The following SCAI variants were observed in gnomAD, a reference collection of about 807,000 sequenced individuals.
SCAI encodes the protein suppressor of cancer cell invasion.
In SCAI, 24 loss-of-function variants were observed where a neutral mutation model predicts 92.2. That is an observed-to-expected ratio of 0.26 (90% CI 0.19 to 0.37). The LOEUF (loss-of-function observed/expected upper bound fraction) is 0.37, where lower values mean the gene tolerates loss of function less well. Ranked by LOEUF, SCAI falls within the 10% of genes least tolerant of loss-of-function variation. The pLI is 1.00. For missense variants in SCAI, 450 were observed against 736.2 expected, an observed-to-expected ratio of 0.61 and a Z score of 4.50; for synonymous variants, 261 against 258.6, an observed-to-expected ratio of 1.01 and a Z score of -0.09.
intron 3 of SCAI, among the ~76,000 whole-genome samples, chr9:125,034,001 G>T (rs1369660235): frequency 6.6e-6 from 1 of 152,152 alleles, no homozygotes; most frequent in Non-Finnish European, 1.5e-5. Flanking sequence ...ACACAAGTGG[G>T]TCACTGGGAA....
chr9:125,046,288 T>TCCTTTTATGG lies in SCAI; in HGVS notation c.230+9578_230+9587dup, dbSNP rs1173914201. Among the ~76,000 whole-genome samples the TCCTTTTATGG allele has an allele frequency of 1.8e-3, 188 of 103,612 alleles. 2 individuals carry two copies. The highest frequency in any genetic ancestry group is 6.5e-3 in the African/African-American group (179 of 27,706). 68.0% of individuals were successfully genotyped at this position (103,612 alleles called of 152,430 possible). ...ACACACACACATATATATATTTCAT[T>TCCTTTTATGG]CCTTTTATGGCCTATCTCATATATA... is the stretch of plus-strand genomic sequence containing the variant. On this transcript the variant is annotated intron_variant, in intron 3 of 17. Coordinates refer to ENST00000336505, the MANE Select transcript of SCAI (RefSeq NM_001144877.3).
At chr9:125,007,100 C>T (rs1832527015) in intron 9 of SCAI, among the ~76,000 whole-genome samples, 1 of 152,056 alleles carries the variant, frequency 6.6e-6, no homozygotes. Flanking sequence ...GCCTGGGTGA[C>T]AGAGCAAGAC....
Position 124,946,866 on chromosome 9 carries a change from T to C in SCAI, c.*5941A>G, listed in dbSNP as rs1799215539. On this transcript the variant is annotated 3_prime_UTR_variant, in exon 18 of 18. Coordinates refer to ENST00000336505, the MANE Select transcript of SCAI (RefSeq NM_001144877.3). This position sits in a 1 kb window ranked among gnomAD's most constrained non-coding sequence, Gnocchi z 4.0. ...TATTCAGTGGAAGCATTTTCTCAGA[T>C]GAGCCTACTCACCTTTGATATGCAA... 6.6e-6 allele frequency: 1 copy of C among 152,248 alleles called. No individual in the cohort carries two copies. The highest frequency in any genetic ancestry group is 6.5e-5 in the Admixed American group (1 of 15,286). The allele number at this position is 152,248 out of a possible 1,614,324, so 9.4% of individuals were successfully genotyped here. A position where few individuals can be genotyped will look rare whatever the true frequency, so the allele number is the denominator to read the frequency against.
chr9:125,021,253 G>T (rs1210579667), intron 6 of SCAI, among the ~76,000 whole-genome samples: 2 of 152,148 alleles, frequency 1.3e-5, no homozygotes, highest in Non-Finnish European at 2.9e-5. Flanking sequence ...AAGACTACAG[G>T]CAGGAAAATA....
intron 2 of SCAI, among the ~76,000 whole-genome samples, chr9:125,063,385 A>G (rs1833813993): frequency 2.3e-5 from 3 of 130,790 alleles, no homozygotes; most frequent in Admixed American, 7.4e-5. Context: ...TCAAAGGAGG[A>G]AAAAAAAAAA....
chr9:124,969,367 C>T (rs747401568), intron 17 of SCAI, among the ~76,000 whole-genome samples: 7 of 152,016 alleles, frequency 4.6e-5, no homozygotes, highest in Non-Finnish European at 1.0e-4. Context: ...AAAAATTTTC[C>T]TTACAGAAGT....
At position 124,945,146 on chromosome 9, in the gene SCAI, A is replaced by C. The variant is rs1186770277; in HGVS notation, c.*7661T>G. ...AGTCTATGATGAAATTTAGGCTTGA[A>C]TAAGTGAGTTTGTAGTTTTAATATA... On this transcript the variant is annotated 3_prime_UTR_variant, in exon 18 of 18. Transcript: ENST00000336505. 2 of 151,898 alleles carry C rather than the reference A, an allele frequency of 1.3e-5. No individual in the cohort carries two copies. Among genetic ancestry groups the C allele is most frequent in the African/African-American group, 4.8e-5 (2 of 41,328 alleles). 9.4% of individuals were successfully genotyped at this position (151,898 alleles called of 1,614,324 possible). A position where few individuals can be genotyped will look rare whatever the true frequency, so the allele number is the denominator to read the frequency against.
At chr9:125,093,853 C>T (rs565270459) in intron 2 of SCAI, among the ~76,000 whole-genome samples, 3 of 152,198 alleles carry the variant, frequency 2.0e-5, no homozygotes, top group East Asian at 3.9e-4. Flanking sequence ...CGTGAGCCAC[C>T]GTGCCCGGCC....
Position 124,942,865 on chromosome 9 carries a change from T to C in SCAI, c.*9942A>G, listed in dbSNP as rs1164058594. 6.6e-6 allele frequency: 1 copy of C among 152,242 alleles called. No homozygotes were observed. Among genetic ancestry groups the C allele is most frequent in the East Asian group, 1.9e-4 (1 of 5,206 alleles). 9.4% of individuals were successfully genotyped at this position (152,242 alleles called of 1,614,324 possible). On this transcript the variant is annotated 3_prime_UTR_variant, in exon 18 of 18. Coordinates refer to ENST00000336505, the MANE Select transcript of SCAI (RefSeq NM_001144877.3). ...GAAGTGCCCTCAAGGTGGTAGGCACTGTATAGCAGGAGAAAACATTGGAAA... is the reference window on the plus strand; with the variant it reads ...GAAGTGCCCTCAAGGTGGTAGGCACCGTATAGCAGGAGAAAACATTGGAAA...
chr9:125,079,752 G>A lies in SCAI; in HGVS notation c.99-23745C>T, dbSNP rs114046905. On this transcript the variant is annotated intron_variant, in intron 2 of 17. Coordinates refer to ENST00000336505, the MANE Select transcript of SCAI (RefSeq NM_001144877.3). ...CAAATTCATATGTATTGGCAAACAC[G>A]TTGGTGACTTAAAAAAAAAAACTGG... Among the ~76,000 whole-genome samples, 1,259 of 145,590 alleles carry A rather than the reference G, an allele frequency of 8.6e-3. 21 individuals are homozygous for A. The highest frequency in any genetic ancestry group is 0.028 in the African/African-American group (1,153 of 40,746).
At chr9:124,982,641 C>G (rs986730564) in intron 14 of SCAI, among the ~76,000 whole-genome samples, 15 of 143,038 alleles carry the variant, frequency 1.0e-4, no homozygotes, top group Admixed American at 8.8e-4. Flanking sequence ...GAACATGTCA[C>G]TGCATCCCAG....
chr9:125,101,345 C>T (rs1357133011), intron 2 of SCAI, among the ~76,000 whole-genome samples: 2 of 152,152 alleles, frequency 1.3e-5, no homozygotes, highest in Non-Finnish European at 2.9e-5. Flanking sequence ...GCTCTAACAA[C>T]TCAGGCCACA....
rs142715349 is a variant in SCAI at position 125,137,870 on chromosome 9, G to A, written c.98+4763C>T. On this transcript the variant is annotated intron_variant, in intron 2 of 17. Coordinates refer to ENST00000336505, the MANE Select transcript of SCAI (RefSeq NM_001144877.3). ...ACCCGCCTCAGCCTCCCAAAGTGCT[G>A]GGATTACAGATGTGAGCCACCACGC... Among the ~76,000 whole-genome samples the A allele has an allele frequency of 4.3e-4, 65 of 152,274 alleles. 1 individual carries two copies. The East Asian group carries it at 0.012, about 29-fold the overall frequency.
chr9:125,102,005 C>A (rs1045503865), intron 2 of SCAI, among the ~76,000 whole-genome samples: 7 of 152,154 alleles, frequency 4.6e-5, no homozygotes, highest in Admixed American at 4.6e-4. Context: ...GCAAAGTTCT[C>A]AACTCCAACA....
rs141226969 is a variant in SCAI at position 125,069,778 on chromosome 9, A to T, written c.99-13771T>A. Among the ~76,000 whole-genome samples the T allele has an allele frequency of 6.2e-3, 931 of 150,640 alleles. 21 individuals are homozygous for T. The highest frequency in any genetic ancestry group is 0.052 in the East Asian group (265 of 5,110). On this transcript the variant is annotated intron_variant, in intron 2 of 17. Transcript: ENST00000336505. ...GCTGGGATTACAGGCGCCCGCCACC[A>T]CACCTGGCTGATTTTTGTACTTTAG...
At chr9:125,086,398 A>C (rs1357697113) in intron 2 of SCAI, among the ~76,000 whole-genome samples, 1 of 152,204 alleles carries the variant, frequency 6.6e-6, no homozygotes, top group African/African-American at 2.4e-5. Context: ...AAAGTGACTG[A>C]GGCAGGGACT....
chr9:124,953,692 C>T (rs867081215), intron 17 of SCAI, among the ~76,000 whole-genome samples: 3 of 152,068 alleles, frequency 2.0e-5, no homozygotes, highest in Admixed American at 1.3e-4. Flanking sequence ...GGATTACAGG[C>T]GTGAGCCACC....
At position 125,020,667 on chromosome 9, in the gene SCAI, A is replaced by C; in HGVS notation, c.609+6T>G. 1 of 1,277,298 alleles carries C rather than the reference A, an allele frequency of 7.8e-7. No homozygotes were observed. Among genetic ancestry groups the C allele is most frequent in the Non-Finnish European group, 1.1e-6 (1 of 897,778 alleles). The allele number at this position is 1,277,298 out of a possible 1,614,324, so 79.1% of individuals were successfully genotyped here. On this transcript the variant is annotated splice_donor_region_variant and intron_variant, in intron 7 of 17. Transcript: ENST00000336505. ...TTAGAATTTGAACTATTTAAAGTGT[A>C]TTTACCTTTACCAGATCCTTTACAA...
chr9:125,078,421 G>T (rs1008881340), intron 2 of SCAI, among the ~76,000 whole-genome samples: 1 of 151,978 alleles, frequency 6.6e-6, no homozygotes, highest in Non-Finnish European at 1.5e-5. Flanking sequence ...CCAGCTACTC[G>T]GGAGGCTGAG....
Sources: gnomAD v4.1 joint callset for allele counts (sites outside exome capture counted in the v4.1 genomes callset) on GRCh38, gnomAD v4.1.1 for gene constraint, Gnocchi (gnomAD v3.1) non-coding constraint, MANE v1.5 for transcripts, NCBI Gene and HGNC (gene_info 2026-07-23, HGNC 2026-07-21) for gene names.